Variants in SMARCA5 observed in about 807,000 individuals in gnomAD.
The protein encoded by SMARCA5 is SWI/SNF-related matrix-associated actin-dependent regulator of chromatin subfamily A member 5.
SMARCA5 carries 18 observed loss-of-function variants against 140.4 expected under a neutral mutation model. That is an observed-to-expected ratio of 0.13 (90% CI 0.09 to 0.19). SMARCA5 has a LOEUF of 0.19. Ranked by LOEUF, SMARCA5 falls within the 10% of genes least tolerant of loss-of-function variation. The probability of loss-of-function intolerance (pLI) is 1.00; values close to 1 mark genes in which losing one functional copy is unlikely to be tolerated. For missense variants in SMARCA5, 606 were observed against 1,276.8 expected (o/e 0.47, Z 8.01); for synonymous variants, 449 against 419.6 (o/e 1.07, Z -0.86).
intron 23 of SMARCA5, 43 bp downstream of exon 23, chr4:143,550,147 TCC>T: frequency 5.1e-6 from 6 of 1,184,642 alleles, no homozygotes; most frequent in Non-Finnish European, 7.2e-6. Flanking sequence ...TATGTAAATT[TCC>T]CCTTTCTAAG....
chr4:143,514,694 A>C (rs1736788533), intron 1 of SMARCA5: 1 of 152,416 alleles, frequency 6.6e-6, no homozygotes, highest in Non-Finnish European at 1.5e-5. Flanking sequence ...GAAGGGAGAG[A>C]AGGCCCCTCC....
At position 143,555,843 on chromosome 4, in the gene SMARCA5, T is replaced by A. The variant is rs1325162169; in HGVS notation, c.*2659T>A. On this transcript the variant is annotated 3_prime_UTR_variant, in exon 24 of 24. Transcript: ENST00000283131. ...AGTTTTTGTAGAGATAGGGCCTTGC[T>A]ATGTTGCCCAGTCCGGTCTCAAACG... is the stretch of plus-strand genomic sequence containing the variant. 4 of 154,634 alleles carry A rather than the reference T, an allele frequency of 2.6e-5. No individual in the cohort carries two copies. Among genetic ancestry groups the A allele is most frequent in the Admixed American group, 6.5e-5 (1 of 15,470 alleles). The allele number at this position is 154,634 out of a possible 1,614,324, so 9.6% of individuals were successfully genotyped here.
intron 13 of SMARCA5, among the ~76,000 whole-genome samples, chr4:143,539,440 A>T (rs1449712897): frequency 6.6e-6 from 1 of 152,088 alleles, no homozygotes; most frequent in Non-Finnish European, 1.5e-5. Context: ...GATCAGGAAG[A>T]TTATTTTTAG....
At chr4:143,514,267 C>G (rs1190175719) in intron 1 of SMARCA5, 166 bp downstream of exon 1, 1 of 633,762 alleles carries the variant, frequency 1.6e-6, no homozygotes, top group African/African-American at 1.9e-5. Flanking sequence ...CTCCCTTGTT[C>G]TTACCCTATT....
At chr4:143,523,819 C>G (rs929726083) in intron 3 of SMARCA5, among the ~76,000 whole-genome samples, 1 of 152,060 alleles carries the variant, frequency 6.6e-6, no homozygotes, top group African/African-American at 2.4e-5. Flanking sequence ...CTGAACCAAG[C>G]CCTTTAGAGA....
chr4:143,513,859 G>A lies in SMARCA5; in HGVS notation c.-66G>A. The A allele has an allele frequency of 6.7e-7, 1 of 1,502,058 alleles. No homozygotes were observed. Among genetic ancestry groups the A allele is most frequent in the Non-Finnish European group, 8.9e-7 (1 of 1,123,640 alleles). The allele number at this position is 1,502,058 out of a possible 1,614,324, so 93.0% of individuals were successfully genotyped here. On this transcript the variant is annotated 5_prime_UTR_variant, in exon 1 of 24. Coordinates refer to ENST00000283131, the MANE Select transcript of SMARCA5 (RefSeq NM_003601.4). ...TATTGCGACGTAGCATCCAGGCCTA[G>A]GCCTCCCCGTCCATCCCCGCCGGAC...
At chr4:143,521,640 G>T (rs539764519) in intron 3 of SMARCA5, 45 bp downstream of exon 3, 2 of 1,499,684 alleles carry the variant, frequency 1.3e-6, no homozygotes, top group South Asian at 1.2e-5. Flanking sequence ...ACTTATTTTC[G>T]ATAGTCTTCA....
At chr4:143,544,910 A>G (rs1737492381) in intron 17 of SMARCA5, 63 bp downstream of exon 17, 1 of 776,828 alleles carries the variant, frequency 1.3e-6, no homozygotes, top group East Asian at 2.7e-5. Flanking sequence ...TTTTTCATAT[A>G]TTCTTGCAAA....
rs574393125 is a variant in SMARCA5 at position 143,538,265 on chromosome 4, G to T, written c.1496-325G>T. ...GGTTTGGGGAGTCATATGCATTGAA[G>T]AGTTGTTGTGAAGTAGTGGAAAGTT... On this transcript the variant is annotated intron_variant, in intron 11 of 23. Coordinates refer to ENST00000283131, the MANE Select transcript of SMARCA5 (RefSeq NM_003601.4). Among the ~76,000 whole-genome samples the T allele has an allele frequency of 3.3e-5, 5 of 152,292 alleles. No homozygotes were observed. In the East Asian group the frequency reaches 9.7e-4, roughly 29 times the overall value.
intron 13 of SMARCA5, among the ~76,000 whole-genome samples, chr4:143,540,040 C>A (rs564041178): frequency 6.6e-6 from 1 of 152,272 alleles, no homozygotes; most frequent in Admixed American, 6.5e-5. Flanking sequence ...TGTTTCATGT[C>A]ACTTCTTTGC....
Position 143,538,806 on chromosome 4 carries a change from T to C in SMARCA5, c.1638T>C (p.Asn546=). Residue 546 remains asparagine, a synonymous_variant, in exon 13 of 24, where the codon AAT becomes AAC. Transcript: ENST00000283131. ...DERQDSINAY[N]EPNSTKFVFM... Reference sequence around the variant, plus strand: ...CATAGGACTCCATCAATGCATACAATGAACCAAACAGCACAAAGTTTGTTT... The same window carrying C: ...CATAGGACTCCATCAATGCATACAACGAACCAAACAGCACAAAGTTTGTTT... The C allele has an allele frequency of 3.1e-6, 5 of 1,614,088 alleles. No homozygotes were observed. Among genetic ancestry groups the C allele is most frequent in the Non-Finnish European group, 4.2e-6 (5 of 1,179,990 alleles).
rs1736777837 is a variant in SMARCA5 at position 143,514,364 on chromosome 4, G to T, written c.177+263G>T. 5 of 437,220 alleles carry T rather than the reference G, an allele frequency of 1.1e-5. No homozygotes were observed. The Admixed American group carries it at 2.1e-4, about 18-fold the overall frequency. 27.1% of individuals were successfully genotyped at this position (437,220 alleles called of 1,614,324 possible). Reference sequence around the variant, plus strand: ...CCTGACAAATATTTGAACGCTCTCAGTGAACAGATGTTCTTGGTTACCGTG... The same window carrying T: ...CCTGACAAATATTTGAACGCTCTCATTGAACAGATGTTCTTGGTTACCGTG... On this transcript the variant is annotated intron_variant, in intron 1 of 23. Transcript: ENST00000283131.
At chr4:143,551,842 A>C (rs890959150) in intron 23 of SMARCA5, among the ~76,000 whole-genome samples, 5 of 152,106 alleles carry the variant, frequency 3.3e-5, no homozygotes, top group African/African-American at 1.2e-4. Context: ...AAGTCAGGTA[A>C]TGTGATTCTT....
chr4:143,545,885 A>G (rs1269772851), intron 18 of SMARCA5, 40 bp from the exon 19 acceptor site: 1 of 1,578,032 alleles, frequency 6.3e-7, no homozygotes, highest in South Asian at 1.2e-5. Flanking sequence ...CATGCTCTTT[A>G]AAATTTACTG....
chr4:143,556,225 T>A lies in SMARCA5; in HGVS notation c.*3041T>A, dbSNP rs1040145320. ...AGATAAGGATTGCTCCATCTGCCCT[T>A]TGAGTATTTAATATATGCCGATTGT... On this transcript the variant is annotated 3_prime_UTR_variant, in exon 24 of 24. Transcript: ENST00000283131. 1.3e-5 allele frequency: 2 copies of A among 152,182 alleles called. No homozygotes were observed. The highest frequency in any genetic ancestry group is 2.4e-5 in the African/African-American group (1 of 41,442). 9.4% of individuals were successfully genotyped at this position (152,182 alleles called of 1,614,324 possible).
In SMARCA5 at chr4:143,536,057, G is replaced by A. The variant is rs72723148; in HGVS notation, c.1269-395G>A. ...TACCTAAATGCTACACTAGCTATGG[G>A]GTATATAGTAATCGAATAGTGGCAC... On this transcript the variant is annotated intron_variant, in intron 10 of 23. Coordinates refer to ENST00000283131, the MANE Select transcript of SMARCA5 (RefSeq NM_003601.4). Among the ~76,000 whole-genome samples, 288 of 151,946 alleles carry A rather than the reference G, an allele frequency of 1.9e-3. 1 individual carries two copies. Among genetic ancestry groups the A allele is most frequent in the African/African-American group, 6.6e-3 (273 of 41,444 alleles).
Position 143,555,690 on chromosome 4 carries a change from C to T in SMARCA5, c.*2506C>T, listed in dbSNP as rs1009018099. ...TAAGAGACAGGGTCTTGCTCTGTCA[C>T]CCAGGCTGGAGTGCAGTGGTGCAAT... On this transcript the variant is annotated 3_prime_UTR_variant, in exon 24 of 24. Transcript: ENST00000283131. 2 of 211,070 alleles carry T rather than the reference C, an allele frequency of 9.5e-6. No individual in the cohort carries two copies. The highest frequency in any genetic ancestry group is 1.9e-5 in the Non-Finnish European group (2 of 105,686). The allele number at this position is 211,070 out of a possible 1,614,324, so 13.1% of individuals were successfully genotyped here. A position where few individuals can be genotyped will look rare whatever the true frequency, so the allele number is the denominator to read the frequency against.
chr4:143,545,024 C>T (rs1737495707), intron 17 of SMARCA5, among the ~76,000 whole-genome samples, 177 bp downstream of exon 17: 1 of 150,480 alleles, frequency 6.6e-6, no homozygotes, highest in Non-Finnish European at 1.5e-5. Context: ...CTCACTGCAA[C>T]CTCCGCCTCC....
intron 23 of SMARCA5, among the ~76,000 whole-genome samples, chr4:143,552,733 A>C (rs1737668688): frequency 6.6e-6 from 1 of 152,044 alleles, no homozygotes; most frequent in African/African-American, 2.4e-5. Context: ...AATTTAATAA[A>C]AAATGGTTAA....
Sources: gnomAD v4.1 joint callset for allele counts (sites outside exome capture counted in the v4.1 genomes callset) on GRCh38, gnomAD v4.1.1 for gene constraint, MANE v1.5 for transcripts, NCBI Gene and HGNC (gene_info 2026-07-23, HGNC 2026-07-21) for gene names.